Variants in MACO1 observed in about 807,000 individuals in gnomAD.
The protein encoded by MACO1 is macoilin 1, also known as macoilin.
MACO1 carries 14 observed loss-of-function variants against 78.7 expected under a neutral mutation model. The observed-to-expected ratio is 0.18, with a 90% CI of 0.12 to 0.28. The LOEUF (loss-of-function observed/expected upper bound fraction) is 0.28. Among genes scored for constraint, MACO1 ranks in the 10% least tolerant of loss-of-function variants. MACO1 has a pLI of 1.00. For missense variants in MACO1, 501 were observed against 799.0 expected (o/e 0.63, Z 4.50); for synonymous variants, 288 against 291.6 (o/e 0.99, Z 0.12).
At chr1:25,498,131 T>C in intron 10 of MACO1, 133 bp from the exon 11 acceptor site, 1 of 799,164 alleles carries the variant, frequency 1.3e-6, no homozygotes, top group Non-Finnish European at 2.0e-6. Flanking sequence ...ACAGGACAAG[T>C]TTGCCTGCTC....
chr1:25,466,166 C>T (rs574512888), intron 6 of MACO1, among the ~76,000 whole-genome samples: 1 of 152,156 alleles, frequency 6.6e-6, no homozygotes, highest in African/African-American at 2.4e-5. Context: ...GTTTTACTTA[C>T]AATTCTTTGA....
At position 25,498,617 on chromosome 1, in the gene MACO1, C is replaced by A; in HGVS notation, c.*151C>A. ...TAAAAAGGGGGGAAAAGATAACATC[C>A]AAGTCTGATTAGAACTGCCCATCAG... On this transcript the variant is annotated 3_prime_UTR_variant, in exon 11 of 11. Transcript: ENST00000374343. 2.8e-6 allele frequency: 2 copies of A among 714,226 alleles called. No homozygotes were observed. Among genetic ancestry groups the A allele is most frequent in the Non-Finnish European group, 4.5e-6 (2 of 446,578 alleles). 44.2% of individuals were successfully genotyped at this position (714,226 alleles called of 1,614,324 possible). A position where few individuals can be genotyped will look rare whatever the true frequency, so the allele number is the denominator to read the frequency against.
chr1:25,461,119 C>T (rs957540677), intron 6 of MACO1, among the ~76,000 whole-genome samples: 6 of 148,652 alleles, frequency 4.0e-5, no homozygotes, highest in Non-Finnish European at 8.9e-5. Context: ...GGACAAAAAA[C>T]CAAACACCAC....
rs571334199 is a variant in MACO1, at chr1:25,457,482, A to G, written c.652+651A>G. On this transcript the variant is annotated intron_variant, in intron 5 of 10. Coordinates refer to ENST00000374343, the MANE Select transcript of MACO1 (RefSeq NM_018202.6). ...TGGAACTATGTGAACTGGTAATTGA[A>G]GCAAGCCAAGAACCAAAGTATAAGC... 5.9e-5 allele frequency among the ~76,000 whole-genome samples: 9 copies of G among 152,252 alleles called. No individual in the cohort carries two copies. The South Asian group carries it at 1.9e-3, about 32-fold the overall frequency.
intron 6 of MACO1, 105 bp from the exon 7 acceptor site, chr1:25,484,011 C>A: frequency 8.5e-7 from 1 of 1,180,030 alleles, no homozygotes; most frequent in Non-Finnish European, 1.2e-6. Context: ...CCAGCGGGGT[C>A]CTTTTTCTGC....
intron 1 of MACO1, among the ~76,000 whole-genome samples, chr1:25,438,923 T>TA (rs989898940): frequency 1.6e-4 from 23 of 145,208 alleles, no homozygotes; most frequent in East Asian, 4.0e-4. Flanking sequence ...AATAAAAAAC[T>TA]AAAAAAAAAA....
In MACO1 at chr1:25,499,714, C is replaced by T; in HGVS notation, c.*1248C>T. 1 of 151,484 alleles carries T rather than the reference C, an allele frequency of 6.6e-6. No individual in the cohort carries two copies. The highest frequency in any genetic ancestry group is 2.4e-5 in the African/African-American group (1 of 41,182). 9.4% of individuals were successfully genotyped at this position (151,484 alleles called of 1,614,324 possible). A position where few individuals can be genotyped will look rare whatever the true frequency, so the allele number is the denominator to read the frequency against. ...GGTGGCGGGAGGGACCGGGTGGGGG[C>T]AATGCAAAATTGTATTTGGAAACTA... is the stretch of plus-strand genomic sequence containing the variant. On this transcript the variant is annotated 3_prime_UTR_variant, in exon 11 of 11. Coordinates refer to ENST00000374343, the MANE Select transcript of MACO1 (RefSeq NM_018202.6).
At chr1:25,441,493 T>C (rs1465626205) in intron 1 of MACO1, among the ~76,000 whole-genome samples, 2 of 152,200 alleles carry the variant, frequency 1.3e-5, no homozygotes, top group Non-Finnish European at 2.9e-5. Context: ...CCTCAACAAA[T>C]ATTTTTTGAG....
chr1:25,490,478 A>G (rs1375435485), intron 9 of MACO1, among the ~76,000 whole-genome samples: 1 of 152,220 alleles, frequency 6.6e-6, no homozygotes, highest in Admixed American at 6.5e-5. Context: ...ATGCAACAAA[A>G]TAGGCCTCAT....
intron 6 of MACO1, among the ~76,000 whole-genome samples, chr1:25,478,539 T>G (rs996583853): frequency 3.3e-5 from 5 of 152,216 alleles, no homozygotes; most frequent in Admixed American, 1.3e-4. Context: ...TTGACACTTT[T>G]GCTTTGAAGT....
intron 6 of MACO1, among the ~76,000 whole-genome samples, chr1:25,473,303 A>C (rs2124599225): frequency 6.6e-6 from 1 of 152,292 alleles, no homozygotes; most frequent in East Asian, 1.9e-4. Flanking sequence ...TTTTATACTT[A>C]AACAGGGTTT....
At chr1:25,458,145 T>C (rs1228911924) in intron 5 of MACO1, among the ~76,000 whole-genome samples, 1 of 152,184 alleles carries the variant, frequency 6.6e-6, no homozygotes, top group Non-Finnish European at 1.5e-5. Flanking sequence ...GTGGCCATCA[T>C]TTTCATAAAT....
At chr1:25,452,698 GTTT>G (rs1161208655) in intron 3 of MACO1, among the ~76,000 whole-genome samples, 2 of 133,954 alleles carry the variant, frequency 1.5e-5, no homozygotes, top group South Asian at 2.4e-4. Flanking sequence ...ACGGTGAATT[GTTT>G]TTTTTTTTTT....
In MACO1 at chr1:25,436,595, A is replaced by T. The variant is rs114944201; in HGVS notation, c.80+5417A>T. Among the ~76,000 whole-genome samples, 1,402 of 152,312 alleles carry T rather than the reference A, an allele frequency of 9.2e-3. 20 individuals are homozygous for T. Among genetic ancestry groups the T allele is most frequent in the African/African-American group, 0.031 (1,283 of 41,562 alleles). Reference sequence around the variant, plus strand: ...GGATGGTACATACAACAGTAGATACACATATCCTTGTTAGACTTTTTCCAC... The same window carrying T: ...GGATGGTACATACAACAGTAGATACTCATATCCTTGTTAGACTTTTTCCAC... On this transcript the variant is annotated intron_variant, in intron 1 of 10. Coordinates refer to ENST00000374343, the MANE Select transcript of MACO1 (RefSeq NM_018202.6).
chr1:25,493,011 C>T (rs1489470052), intron 10 of MACO1, among the ~76,000 whole-genome samples: 4 of 151,964 alleles, frequency 2.6e-5, no homozygotes, highest in African/African-American at 4.8e-5. Flanking sequence ...CATAGCGAGA[C>T]CTTGTGTCTA....
intron 8 of MACO1, among the ~76,000 whole-genome samples, chr1:25,488,806 TTTTATTTA>T (rs879809119): frequency 6.6e-6 from 1 of 151,662 alleles, no homozygotes; most frequent in Non-Finnish European, 1.5e-5. Context: ...TTTTTTAAAA[TTTTATTTA>T]TTTATTTATT....
At position 25,485,911 on chromosome 1, in the gene MACO1, T is replaced by C; in HGVS notation, c.1496+116T>C. 1 of 1,174,424 alleles carries C rather than the reference T, an allele frequency of 8.5e-7. No homozygotes were observed. The highest frequency in any genetic ancestry group is 2.3e-4 in the Middle Eastern group (1 of 4,406). The allele number at this position is 1,174,424 out of a possible 1,614,324, so 72.8% of individuals were successfully genotyped here. On this transcript the variant is annotated intron_variant, in intron 8 of 10. Transcript: ENST00000374343. This position sits in a 1 kb window ranked among gnomAD's most constrained non-coding sequence, Gnocchi z 4.3. ...CGTACAGCAATCATGCACGGATGGA[T>C]TGCTTTTAAGTACTGTTTTATTAAC...
intron 1 of MACO1, among the ~76,000 whole-genome samples, chr1:25,444,527 T>C (rs774148124): frequency 6.6e-6 from 1 of 152,172 alleles, no homozygotes; most frequent in Non-Finnish European, 1.5e-5. Flanking sequence ...CTTGGAAATC[T>C]AGTTTCAAAC....
chr1:25,461,049 A>C (rs1042384047), intron 6 of MACO1, among the ~76,000 whole-genome samples: 1 of 152,082 alleles, frequency 6.6e-6, no homozygotes, highest in African/African-American at 2.4e-5. Flanking sequence ...TGAAGAGTTC[A>C]TGTCCTTTGT....
Sources: allele counts gnomAD v4.1 joint callset (sites outside exome capture counted in the v4.1 genomes callset), GRCh38; gene constraint gnomAD v4.1.1; non-coding constraint Gnocchi (gnomAD v3.1); transcripts MANE v1.5; gene names NCBI Gene and HGNC (gene_info 2026-07-23, HGNC 2026-07-21).